CERKL: variants seen among roughly 807,000 people sequenced by gnomAD.
CERKL encodes CERK like autophagy regulator.
CERKL carries 61 observed loss-of-function variants against 63.4 expected under a neutral mutation model. The observed-to-expected ratio is 0.96, with a 90% CI of 0.78 to 1.19. The LOEUF (loss-of-function observed/expected upper bound fraction) is 1.19, where lower values mean the gene tolerates loss of function less well. Among genes scored for constraint, CERKL ranks in the 50% most tolerant of loss-of-function variants. The probability of loss-of-function intolerance (pLI) is 0.00; values close to 1 mark genes in which losing one functional copy is unlikely to be tolerated. For synonymous variants in CERKL, 250 were observed against 230.5 expected (o/e 1.08, Z -0.77); for missense variants, 675 against 655.5 (o/e 1.03, Z -0.33).
Position 181,655,206 on chromosome 2 carries a change from T to G in CERKL, c.238+1563A>C, listed in dbSNP as rs554774436. ...GTATTTTAAACTCTACTGCCAGGGG[T>G]GCACTAATTAAACCTATTTTACCTT... On this transcript the variant is annotated intron_variant, in intron 1 of 12. Coordinates refer to ENST00000410087, the MANE Select transcript of CERKL (RefSeq NM_201548.5). 3.9e-5 allele frequency among the ~76,000 whole-genome samples: 6 copies of G among 152,316 alleles called. No individual in the cohort carries two copies. In the East Asian group the frequency reaches 1.2e-3, roughly 29 times the overall value.
chr2:181,648,305 G>C (rs936357269), intron 1 of CERKL, among the ~76,000 whole-genome samples: 27 of 152,008 alleles, frequency 1.8e-4, no homozygotes, highest in African/African-American at 6.5e-4. Context: ...TACATGTAAG[G>C]GAATCCTAAT....
intron 1 of CERKL, among the ~76,000 whole-genome samples, chr2:181,644,253 C>G (rs1405432123): frequency 6.6e-6 from 1 of 152,248 alleles, no homozygotes; most frequent in Non-Finnish European, 1.5e-5. Context: ...TTGGCAGGGT[C>G]CCATGACCCA....
At chr2:181,593,076 C>T (rs767463) in intron 2 of CERKL, among the ~76,000 whole-genome samples, 56,152 of 151,906 alleles carry the variant, frequency 0.37, 13,607 homozygotes, top group African/African-American at 0.68. Context: ...ATACATTACA[C>T]ATTTAAGCAT....
intron 1 of CERKL, among the ~76,000 whole-genome samples, chr2:181,634,542 TAGAC>T (rs1687095339): frequency 6.6e-6 from 1 of 152,234 alleles, no homozygotes; most frequent in Non-Finnish European, 1.5e-5. Flanking sequence ...TTGAACATGA[TAGAC>T]AGTACGTAGA....
intron 2 of CERKL, among the ~76,000 whole-genome samples, chr2:181,577,092 A>G (rs1684267251): frequency 6.6e-6 from 1 of 152,174 alleles, no homozygotes; most frequent in East Asian, 1.9e-4. Context: ...TATTTATAAC[A>G]GGTTCCCAGG....
intron 10 of CERKL, among the ~76,000 whole-genome samples, chr2:181,545,001 T>C (rs987371895): frequency 3.3e-5 from 5 of 152,182 alleles, no homozygotes; most frequent in African/African-American, 1.2e-4. Flanking sequence ...TGAGTTTTAT[T>C]AAATCACTGG....
At chr2:181,555,817 A>G (rs1277207656) in intron 5 of CERKL, among the ~76,000 whole-genome samples, 1 of 149,618 alleles carries the variant, frequency 6.7e-6, no homozygotes, top group Non-Finnish European at 1.5e-5. Context: ...CAGTGGCACA[A>G]TCTCAGCTCA....
intron 5 of CERKL, among the ~76,000 whole-genome samples, chr2:181,551,503 T>G (rs1486560957): frequency 6.6e-6 from 1 of 151,860 alleles, no homozygotes; most frequent in Admixed American, 6.6e-5. Context: ...GGGCAAAGGA[T>G]ACGAACAGAC....
At chr2:181,628,848 A>G (rs1415575288) in intron 1 of CERKL, among the ~76,000 whole-genome samples, 1 of 152,140 alleles carries the variant, frequency 6.6e-6, no homozygotes, top group African/African-American at 2.4e-5. Context: ...AACAAATCCC[A>G]CTCAATAAAG....
chr2:181,544,731 T>A lies in CERKL; in HGVS notation c.1334A>T (p.His445Leu). The A allele has an allele frequency of 6.2e-7, 1 of 1,607,506 alleles. No individual in the cohort carries two copies. The highest frequency in any genetic ancestry group is 8.5e-7 in the Non-Finnish European group (1 of 1,175,332). Residue 445 changes from histidine (H) to leucine (L), a missense_variant, in exon 11 of 13, where the codon CAC (histidine) becomes CTC (leucine). By Grantham distance (99) the His-to-Leu change is moderately conservative. Coordinates refer to ENST00000410087, the MANE Select transcript of CERKL (RefSeq NM_201548.5). ...RNTSRPEFIKHLKRYASVKNQ... is the reference protein window; with the variant it reads ...RNTSRPEFIKLLKRYASVKNQ... ...TTTTACACTGGCATATCTTTTCAGG[T>A]GTTTTATAAATTCTGGCCGAGAAGT...
intron 2 of CERKL, among the ~76,000 whole-genome samples, chr2:181,583,360 G>A (rs909885607): frequency 1.3e-5 from 2 of 152,044 alleles, no homozygotes; most frequent in African/African-American, 4.8e-5. Context: ...AGAAGGATCA[G>A]GCTGTCACCT....
intron 4 of CERKL, among the ~76,000 whole-genome samples, chr2:181,560,465 T>C (rs1688392561): frequency 6.6e-6 from 1 of 152,182 alleles, no homozygotes; most frequent in African/African-American, 2.4e-5. Context: ...TGTTAAATCT[T>C]TTGAAACTAA....
chr2:181,588,469 C>A (rs979586788), intron 2 of CERKL, among the ~76,000 whole-genome samples: 3 of 152,176 alleles, frequency 2.0e-5, no homozygotes, highest in Admixed American at 6.6e-5. Flanking sequence ...ATTGTGTATA[C>A]ACACCATATT....
chr2:181,565,072 A>AAAAT (rs947837828), intron 4 of CERKL, among the ~76,000 whole-genome samples: 2 of 152,130 alleles, frequency 1.3e-5, no homozygotes, highest in African/African-American at 4.8e-5. Flanking sequence ...CCTCATCCAA[A>AAAAT]AAATAAATAA....
intron 3 of CERKL, among the ~76,000 whole-genome samples, chr2:181,568,807 G>T (rs898393912): frequency 1.3e-5 from 2 of 151,314 alleles, no homozygotes; most frequent in South Asian, 2.1e-4. Context: ...CTAGCATTAG[G>T]TATATCTCCC....
intron 1 of CERKL, chr2:181,650,185 G>C (rs1355358241): frequency 6.6e-6 from 1 of 150,850 alleles, no homozygotes; most frequent in Non-Finnish European, 1.5e-5. Flanking sequence ...AGAAAGAAAA[G>C]AAATAAACTA....
chr2:181,592,161 T>TA (rs1266482858), intron 2 of CERKL, among the ~76,000 whole-genome samples: 5 of 152,204 alleles, frequency 3.3e-5, no homozygotes, highest in Non-Finnish European at 5.9e-5. Context: ...TCCAAGCACT[T>TA]ACATCCACCA....
intron 1 of CERKL, among the ~76,000 whole-genome samples, chr2:181,635,728 CT>C (rs1459869786): frequency 1.3e-5 from 2 of 152,124 alleles, no homozygotes; most frequent in African/African-American, 4.8e-5. Context: ...ATATTAATTA[CT>C]TGTATTAGAC....
At chr2:181,647,435 T>A (rs1574066487) in intron 1 of CERKL, among the ~76,000 whole-genome samples, 1 of 152,292 alleles carries the variant, frequency 6.6e-6, no homozygotes, top group South Asian at 2.1e-4. Flanking sequence ...TAGCATGACA[T>A]GCCTGTCCCT....
Sources: allele counts gnomAD v4.1 joint callset (sites outside exome capture counted in the v4.1 genomes callset), GRCh38; gene constraint gnomAD v4.1.1; transcripts MANE v1.5; gene names NCBI Gene and HGNC (gene_info 2026-07-23, HGNC 2026-07-21).